SNTG1: variants seen among roughly 807,000 people sequenced by gnomAD.
SNTG1 encodes the protein syntrophin gamma 1.
Under a neutral mutation model 74.7 loss-of-function variants are expected in SNTG1, and 39 were observed. That is an observed-to-expected ratio of 0.52 (90% confidence interval 0.40 to 0.68). The LOEUF (loss-of-function observed/expected upper bound fraction) is 0.68. SNTG1 is among the 30% of genes least tolerant of loss of function. SNTG1 has a pLI of 0.00. For missense variants in SNTG1, 685 were observed against 609.5 expected (o/e 1.12, Z -1.30); for synonymous variants, 254 against 217.1 (o/e 1.17, Z -1.49).
At chr8:50,558,556 C>T (rs1316244951) in intron 12 of SNTG1, among the ~76,000 whole-genome samples, 1 of 151,988 alleles carries the variant, frequency 6.6e-6, no homozygotes, top group African/African-American at 2.4e-5. Flanking sequence ...ATTTATTGTA[C>T]AATGTTCTCA....
At chr8:50,363,544 A>G (rs1226115636) in intron 2 of SNTG1, among the ~76,000 whole-genome samples, 1 of 152,128 alleles carries the variant, frequency 6.6e-6, no homozygotes, top group Non-Finnish European at 1.5e-5. Flanking sequence ...AATAACTTTT[A>G]GATCCTCAGT....
chr8:50,420,421 T>C (rs1357503373), intron 4 of SNTG1, among the ~76,000 whole-genome samples: 1 of 152,078 alleles, frequency 6.6e-6, no homozygotes, highest in Non-Finnish European at 1.5e-5. Flanking sequence ...ATTCTATATC[T>C]GTGAAACACA....
rs139088911 is a variant in SNTG1 at position 50,601,106 on chromosome 8, C to T, written c.849+10189C>T. On this transcript the variant is annotated intron_variant, in intron 13 of 18. Coordinates refer to ENST00000642720, the MANE Select transcript of SNTG1 (RefSeq NM_018967.5). ...CTGGGAGGTGGAGGTTTCAGTGAGC[C>T]GAGATCGCGTCACTTCACTCCAGCC... Among the ~76,000 whole-genome samples, 3 of 126,408 alleles carry T rather than the reference C, an allele frequency of 2.4e-5. No homozygotes were observed. The East Asian group carries it at 7.6e-4, about 32-fold the overall frequency. The allele number at this position is 126,408 out of a possible 152,430, so 82.9% of individuals were successfully genotyped here. A position where few individuals can be genotyped will look rare whatever the true frequency, so the allele number is the denominator to read the frequency against.
intron 14 of SNTG1, among the ~76,000 whole-genome samples, chr8:50,657,257 A>T (rs995190823): frequency 6.6e-6 from 1 of 152,180 alleles, no homozygotes; most frequent in Admixed American, 6.6e-5. Flanking sequence ...GTGAACCTAT[A>T]AAATAATGGA....
intron 12 of SNTG1, among the ~76,000 whole-genome samples, chr8:50,574,531 A>G (rs983098777): frequency 6.6e-6 from 1 of 152,280 alleles, no homozygotes; most frequent in South Asian, 2.1e-4. Context: ...TATATATTAC[A>G]TATACTTGAA....
intron 12 of SNTG1, among the ~76,000 whole-genome samples, chr8:50,581,288 G>A (rs759545624): frequency 1.9e-4 from 28 of 150,866 alleles, no homozygotes; most frequent in Non-Finnish European, 3.5e-4. Context: ...CCAGTGATAA[G>A]GAGTGACAAG....
intron 15 of SNTG1, among the ~76,000 whole-genome samples, chr8:50,663,353 G>A (rs926933044): frequency 3.3e-5 from 5 of 152,152 alleles, no homozygotes; most frequent in Non-Finnish European, 7.3e-5. Context: ...GAGGGACTGA[G>A]GTTGCCCATT....
intron 15 of SNTG1, among the ~76,000 whole-genome samples, chr8:50,688,592 C>A (rs1421112663): frequency 6.6e-6 from 1 of 152,114 alleles, no homozygotes; most frequent in African/African-American, 2.4e-5. Context: ...TTTCTGAGGG[C>A]TCTGTTCTGT....
chr8:50,172,973 A>T (rs896964333), intron 2 of SNTG1, among the ~76,000 whole-genome samples: 1 of 152,136 alleles, frequency 6.6e-6, no homozygotes, highest in Non-Finnish European at 1.5e-5. Context: ...TTTCAAAAAC[A>T]CCCTTTATTA....
chr8:50,390,637 T>C (rs2131290424), intron 2 of SNTG1, among the ~76,000 whole-genome samples: 1 of 152,296 alleles, frequency 6.6e-6, no homozygotes, highest in East Asian at 1.9e-4. Context: ...AGGGATGGCA[T>C]TGAATCTATA....
At chr8:50,464,568 T>C (rs939055083) in intron 8 of SNTG1, among the ~76,000 whole-genome samples, 1 of 152,086 alleles carries the variant, frequency 6.6e-6, no homozygotes, top group Non-Finnish European at 1.5e-5. Flanking sequence ...TGCTGCCTTA[T>C]ACAGGTGTGA....
chr8:50,504,242 A>T (rs1947896), intron 9 of SNTG1, among the ~76,000 whole-genome samples: 53,781 of 151,896 alleles, frequency 0.35, 11,548 homozygotes, highest in African/African-American at 0.61. Flanking sequence ...ATCCAGTCTA[A>T]CACTAATAGG....
chr8:50,108,411 T>C (rs933558091), intron 1 of SNTG1, among the ~76,000 whole-genome samples: 1 of 152,172 alleles, frequency 6.6e-6, no homozygotes, highest in Non-Finnish European at 1.5e-5. Context: ...TTGCCATTCT[T>C]TGCAATAATT....
At chr8:50,749,693 T>C (rs1295916111) in intron 17 of SNTG1, among the ~76,000 whole-genome samples, 3 of 152,016 alleles carry the variant, frequency 2.0e-5, no homozygotes, top group African/African-American at 7.2e-5. Context: ...CTACCCTACC[T>C]GTACTCTAAA....
intron 2 of SNTG1, among the ~76,000 whole-genome samples, chr8:50,268,679 CAG>C (rs1348498375): frequency 6.7e-6 from 1 of 150,314 alleles, no homozygotes; most frequent in Non-Finnish European, 1.5e-5. Flanking sequence ...AATTTTTAGG[CAG>C]AGGCTCCCTC....
chr8:50,087,966 A>G (rs1442535569), intron 1 of SNTG1, among the ~76,000 whole-genome samples: 1 of 119,578 alleles, frequency 8.4e-6, no homozygotes, highest in African/African-American at 3.2e-5. Flanking sequence ...AGAGTGTGAT[A>G]TTCCCCTTCC....
intron 1 of SNTG1, among the ~76,000 whole-genome samples, chr8:50,010,530 A>G (rs1301450364): frequency 6.6e-6 from 1 of 152,156 alleles, no homozygotes; most frequent in Admixed American, 6.6e-5. Context: ...ACTAACACAT[A>G]TGGATGAAAA....
chr8:50,082,899 C>T (rs1404320563), intron 1 of SNTG1, among the ~76,000 whole-genome samples: 1 of 152,160 alleles, frequency 6.6e-6, no homozygotes, highest in Non-Finnish European at 1.5e-5. Flanking sequence ...GCTACTCCTA[C>T]AGTTCATTGT....
At chr8:50,556,012 A>T (rs1340771410) in intron 12 of SNTG1, among the ~76,000 whole-genome samples, 1 of 152,082 alleles carries the variant, frequency 6.6e-6, no homozygotes. Flanking sequence ...TGAGACAGGG[A>T]TTTTCATACC....
Sources: gnomAD v4.1 joint callset for allele counts (sites outside exome capture counted in the v4.1 genomes callset) on GRCh38, gnomAD v4.1.1 for gene constraint, MANE v1.5 for transcripts, NCBI Gene and HGNC (gene_info 2026-07-23, HGNC 2026-07-21) for gene names.